Variants in GALNT13 observed in about 807,000 individuals in gnomAD.
The protein encoded by GALNT13 is UDP-GalNAc:polypeptide N-acetylgalactosaminyltransferase 13.
A neutral mutation model predicts 64.2 loss-of-function variants in GALNT13; 28 were observed. The ratio of observed to expected loss-of-function variants is 0.44; its 90% confidence interval spans 0.32 to 0.60. GALNT13 has a LOEUF of 0.60. GALNT13 is among the 20% of genes least tolerant of loss of function. The probability of loss-of-function intolerance (pLI) is 0.05; values close to 1 mark genes in which losing one functional copy is unlikely to be tolerated. For missense variants in GALNT13, 577 were observed against 669.8 expected (o/e 0.86, Z 1.53); for synonymous variants, 214 against 224.6 (o/e 0.95, Z 0.42).
intron 1 of GALNT13, among the ~76,000 whole-genome samples, chr2:153,874,396 G>C (rs1381007350): frequency 6.6e-6 from 1 of 151,760 alleles, no homozygotes; most frequent in Non-Finnish European, 1.5e-5. Context: ...TCCCATTCCA[G>C]GGCTTAAGGT....
intron 3 of GALNT13, among the ~76,000 whole-genome samples, chr2:153,997,346 G>C (rs1695587442): frequency 6.6e-6 from 1 of 151,634 alleles, no homozygotes; most frequent in Admixed American, 6.6e-5. Context: ...TTTTTCATTA[G>C]CATTTTTTCA....
At chr2:153,071,348 T>A in the GALNT13 span, among the ~76,000 whole-genome samples, 1 of 152,168 alleles carries the variant, frequency 6.6e-6, no homozygotes, top group East Asian at 1.9e-4. Context: ...ATCTCTTACA[T>A]GATATTTAGT....
At chr2:153,765,593 A>G in the GALNT13 span, among the ~76,000 whole-genome samples, 129 of 152,204 alleles carry the variant, frequency 8.5e-4, no homozygotes, top group Middle Eastern at 3.4e-3. Context: ...TGGACTGTGG[A>G]CTTTTGAGTT....
the GALNT13 span, among the ~76,000 whole-genome samples, chr2:153,195,495 G>A: frequency 6.6e-6 from 1 of 152,212 alleles, no homozygotes; most frequent in Non-Finnish European, 1.5e-5. Flanking sequence ...CTGGGAGGCT[G>A]TGGCTGTACC....
the GALNT13 span, among the ~76,000 whole-genome samples, chr2:153,777,450 T>C: frequency 6.6e-6 from 1 of 152,142 alleles, no homozygotes; most frequent in Non-Finnish European, 1.5e-5. Context: ...TGCGATAGTT[T>C]AAGGAGGTGG....
the GALNT13 span, among the ~76,000 whole-genome samples, chr2:153,802,586 G>A: frequency 6.6e-6 from 1 of 152,290 alleles, no homozygotes; most frequent in Non-Finnish European, 1.5e-5. Flanking sequence ...ATTTCAGGTT[G>A]ACAATTGTTA....
At chr2:153,445,785 C>T in the GALNT13 span, among the ~76,000 whole-genome samples, 2 of 152,066 alleles carry the variant, frequency 1.3e-5, no homozygotes, top group Admixed American at 6.6e-5. Flanking sequence ...TTCTTACCCC[C>T]AAATCAGCAT....
chr2:153,222,418 A>G, the GALNT13 span, among the ~76,000 whole-genome samples: 1 of 44,344 alleles, frequency 2.3e-5, no homozygotes, highest in African/African-American at 8.6e-5. Flanking sequence ...GCCTGGAGAA[A>G]GCACCTTAAG....
the GALNT13 span, among the ~76,000 whole-genome samples, chr2:153,852,667 A>G: frequency 3.3e-5 from 5 of 152,234 alleles, no homozygotes; most frequent in East Asian, 9.6e-4. Context: ...AAAATTTATC[A>G]AACATTCCAC....
chr2:153,988,116 G>A (rs771269095), intron 3 of GALNT13, among the ~76,000 whole-genome samples: 4 of 150,392 alleles, frequency 2.7e-5, no homozygotes, highest in Non-Finnish European at 4.4e-5. Flanking sequence ...AATTTAGAAT[G>A]ATTAAATCAA....
At chr2:153,278,660 A>G in the GALNT13 span, among the ~76,000 whole-genome samples, 2 of 152,008 alleles carry the variant, frequency 1.3e-5, no homozygotes, top group African/African-American at 2.4e-5. Flanking sequence ...AAATATGGCT[A>G]TAGGTGTACA....
the GALNT13 span, among the ~76,000 whole-genome samples, chr2:153,667,829 A>G: frequency 6.6e-6 from 1 of 152,200 alleles, no homozygotes; most frequent in East Asian, 1.9e-4. Context: ...GACAAAGAGT[A>G]ACAAGCTGGG....
At chr2:153,811,644 T>C in the GALNT13 span, among the ~76,000 whole-genome samples, 2 of 152,200 alleles carry the variant, frequency 1.3e-5, no homozygotes, top group East Asian at 1.9e-4. Flanking sequence ...ATGTGAGAAG[T>C]AGAGAAATTG....
chr2:153,684,683 A>T, the GALNT13 span, among the ~76,000 whole-genome samples: 2 of 151,088 alleles, frequency 1.3e-5, no homozygotes, highest in Non-Finnish European at 1.5e-5. Context: ...TCAGGGGTAC[A>T]TGTGCAGGTT....
the GALNT13 span, among the ~76,000 whole-genome samples, chr2:153,163,561 C>A: frequency 6.6e-6 from 1 of 152,112 alleles, no homozygotes; most frequent in Non-Finnish European, 1.5e-5. Flanking sequence ...TCAAACCTTT[C>A]ACCTTCAAAT....
intron 3 of GALNT13, among the ~76,000 whole-genome samples, chr2:154,131,263 G>T (rs1184953786): frequency 6.6e-6 from 1 of 152,154 alleles, no homozygotes; most frequent in African/African-American, 2.4e-5. Flanking sequence ...AAGCGTATGA[G>T]CTTAATGTGT....
Position 154,242,885 on chromosome 2 carries a change from G to C in GALNT13, c.666G>C (p.Leu222=), listed in dbSNP as rs1261111840. The C allele has an allele frequency of 1.9e-6, 3 of 1,613,918 alleles. No individual in the cohort carries two copies. The East Asian group carries it at 6.7e-5, about 36-fold the overall frequency. ...CGTTAGGATGGCTGGAGCCTTTGCT[G>C]GCAAGAATAAAGGAAGACAGGTAAG... ...ECTLGWLEPL[L]ARIKEDRKTV... Residue 222 remains leucine (L), a synonymous_variant, in exon 6 of 13, where the codon CTG becomes CTC. Transcript: ENST00000392825.
the GALNT13 span, among the ~76,000 whole-genome samples, chr2:153,793,514 C>A: frequency 6.6e-6 from 1 of 152,106 alleles, no homozygotes; most frequent in Admixed American, 6.5e-5. Flanking sequence ...CCTCAAATGA[C>A]ATGGGCAAAC....
the GALNT13 span, among the ~76,000 whole-genome samples, chr2:153,222,319 G>GCT: frequency 9.0e-6 from 1 of 111,486 alleles, no homozygotes; most frequent in Non-Finnish European, 2.2e-5. Context: ...GGGGGGGGGG[G>GCT]GGGGGGGTGG....
Sources: gnomAD v4.1 joint callset for allele counts (sites outside exome capture counted in the v4.1 genomes callset) on GRCh38, gnomAD v4.1.1 for gene constraint, MANE v1.5 for transcripts, NCBI Gene and HGNC (gene_info 2026-07-23, HGNC 2026-07-21) for gene names.